The following FRMD3 variants were observed in gnomAD, a reference collection of about 807,000 sequenced individuals.
FRMD3 encodes the protein FERM domain containing 3.
A neutral mutation model predicts 70.2 loss-of-function variants in FRMD3; 33 were observed. That is an observed-to-expected ratio of 0.47 (90% CI 0.36 to 0.63). The LOEUF is 0.63. Among genes scored for constraint, FRMD3 ranks in the 20% least tolerant of loss-of-function variants. FRMD3 has a pLI of 0.00. For missense variants in FRMD3, 632 were observed against 711.4 expected (o/e 0.89, Z 1.27); for synonymous variants, 279 against 255.9 (o/e 1.09, Z -0.86).
At chr9:83,398,213 A>G (rs991400447) in intron 1 of FRMD3, among the ~76,000 whole-genome samples, 4 of 152,166 alleles carry the variant, frequency 2.6e-5, no homozygotes, top group Non-Finnish European at 5.9e-5. Context: ...TAATAAGAAA[A>G]CCTTTATTAA....
At chr9:83,462,195 GA>G (rs1827996042) in intron 1 of FRMD3, among the ~76,000 whole-genome samples, 2 of 152,198 alleles carry the variant, frequency 1.3e-5, no homozygotes, top group Admixed American at 1.3e-4. Flanking sequence ...AGGTGTGCAA[GA>G]AATACAACAG....
chr9:83,548,716 T>G, the FRMD3 span, among the ~76,000 whole-genome samples: 3,083 of 152,216 alleles, frequency 0.02, 111 homozygotes, highest in African/African-American at 0.07. Context: ...AACCCTAATA[T>G]AAACTATAGG....
At chr9:83,337,479 G>A (rs1287321986) in intron 5 of FRMD3, among the ~76,000 whole-genome samples, 2 of 152,190 alleles carry the variant, frequency 1.3e-5, no homozygotes, top group East Asian at 1.9e-4. Context: ...GGGCAAAGGT[G>A]ATGTCTGGCA....
At chr9:83,410,917 AGG>A (rs1455743897) in intron 1 of FRMD3, among the ~76,000 whole-genome samples, 3 of 152,214 alleles carry the variant, frequency 2.0e-5, no homozygotes, top group Non-Finnish European at 4.4e-5. Flanking sequence ...CCAGCTCAGA[AGG>A]GTGAGTTGCT....
intron 1 of FRMD3, among the ~76,000 whole-genome samples, chr9:83,499,129 A>G (rs1378349181): frequency 6.6e-6 from 1 of 152,196 alleles, no homozygotes; most frequent in African/African-American, 2.4e-5. Flanking sequence ...ACCCAAGCAA[A>G]CCCAACTGAG....
chr9:83,431,840 G>A (rs542654367), intron 1 of FRMD3, among the ~76,000 whole-genome samples: 1 of 152,292 alleles, frequency 6.6e-6, no homozygotes, highest in African/African-American at 2.4e-5. Flanking sequence ...GTTTCCATTT[G>A]CCTTTCAGGA....
At chr9:83,337,767 G>A (rs990694188) in intron 5 of FRMD3, among the ~76,000 whole-genome samples, 1 of 152,060 alleles carries the variant, frequency 6.6e-6, no homozygotes, top group Admixed American at 6.6e-5. Context: ...ATAACCAGGA[G>A]GAAATCAAAG....
At position 83,247,243 on chromosome 9, in the gene FRMD3, T is replaced by C. The variant is rs1017210498; in HGVS notation, c.*675A>G. 3.8e-5 allele frequency: 37 copies of C among 985,356 alleles called. No homozygotes were observed. Among genetic ancestry groups the C allele is most frequent in the Middle Eastern group, 5.2e-4 (1 of 1,914 alleles). 61.0% of individuals were successfully genotyped at this position (985,356 alleles called of 1,614,324 possible). On this transcript the variant is annotated 3_prime_UTR_variant, in exon 14 of 14. Coordinates refer to ENST00000304195, the MANE Select transcript of FRMD3 (RefSeq NM_174938.6). ...CTTTCTACCCATTTTCTATCTCCTA[T>C]GCAGATCATAACAAATTATGGTATT...
intron 3 of FRMD3, among the ~76,000 whole-genome samples, chr9:83,369,756 C>T (rs1824911769): frequency 6.6e-6 from 1 of 151,940 alleles, no homozygotes; most frequent in Non-Finnish European, 1.5e-5. Context: ...AGATTGATCT[C>T]ACTGCTGTTT....
chr9:83,453,746 C>A (rs915445500), intron 1 of FRMD3, among the ~76,000 whole-genome samples: 4 of 124,794 alleles, frequency 3.2e-5, no homozygotes, highest in Admixed American at 2.9e-4. Context: ...GATGGAGTCT[C>A]ACTTTGTCAC....
chr9:83,427,359 C>T (rs1405349318), intron 1 of FRMD3, among the ~76,000 whole-genome samples: 1 of 152,206 alleles, frequency 6.6e-6, no homozygotes, highest in Non-Finnish European at 1.5e-5. Context: ...GTGCTGACTC[C>T]ACTCCATGTG....
chr9:83,333,299 T>A (rs1223048702), intron 6 of FRMD3, among the ~76,000 whole-genome samples: 1 of 152,200 alleles, frequency 6.6e-6, no homozygotes, highest in Non-Finnish European at 1.5e-5. Flanking sequence ...AAAGGCTTAA[T>A]GGATGTTTCA....
intron 1 of FRMD3, among the ~76,000 whole-genome samples, chr9:83,532,932 G>C (rs1337840057): frequency 6.6e-6 from 1 of 152,200 alleles, no homozygotes; most frequent in East Asian, 1.9e-4. Context: ...AGACTATAGA[G>C]ACATAGTTAA....
intron 4 of FRMD3, among the ~76,000 whole-genome samples, chr9:83,345,653 A>G (rs1194632140): frequency 6.6e-6 from 1 of 152,162 alleles, no homozygotes; most frequent in Non-Finnish European, 1.5e-5. Context: ...GCTACTCGGG[A>G]GGCTGAGGCA....
chr9:83,363,908 G>T (rs893501232), intron 3 of FRMD3, among the ~76,000 whole-genome samples: 1 of 152,082 alleles, frequency 6.6e-6, no homozygotes, highest in African/African-American at 2.4e-5. Flanking sequence ...CTCCAAAGTG[G>T]CTTTATCAGT....
chr9:83,393,791 T>C (rs989373511), intron 1 of FRMD3, among the ~76,000 whole-genome samples: 1 of 152,186 alleles, frequency 6.6e-6, no homozygotes, highest in African/African-American at 2.4e-5. Flanking sequence ...TAAATACAGA[T>C]GAAGCTTCTT....
chr9:83,339,122 G>T (rs999280011), intron 5 of FRMD3, among the ~76,000 whole-genome samples: 1 of 152,106 alleles, frequency 6.6e-6, no homozygotes, highest in Non-Finnish European at 1.5e-5. Flanking sequence ...AGGAAATCTT[G>T]TGAGATATTA....
the FRMD3 span, among the ~76,000 whole-genome samples, chr9:83,566,859 C>T: frequency 1.3e-5 from 2 of 152,224 alleles, no homozygotes; most frequent in Non-Finnish European, 2.9e-5. Context: ...CTCTCACGGG[C>T]TGGCATTGAG....
intron 1 of FRMD3, among the ~76,000 whole-genome samples, chr9:83,451,073 C>A (rs1454228106): frequency 6.6e-6 from 1 of 152,070 alleles, no homozygotes; most frequent in Non-Finnish European, 1.5e-5. Context: ...GTTTTTATGA[C>A]AAAAACAAAA....
Sources: allele counts gnomAD v4.1 joint callset (sites outside exome capture counted in the v4.1 genomes callset), GRCh38; gene constraint gnomAD v4.1.1; transcripts MANE v1.5; gene names NCBI Gene and HGNC (gene_info 2026-07-23, HGNC 2026-07-21).